CACNA2D1: variants seen among roughly 807,000 people sequenced by gnomAD.
CACNA2D1 encodes calcium voltage-gated channel auxiliary subunit alpha2delta 1.
A neutral mutation model predicts 171.5 loss-of-function variants in CACNA2D1; 53 were observed. That is an observed-to-expected ratio of 0.31 (90% CI 0.25 to 0.39). The LOEUF is 0.39. Ranked by LOEUF, CACNA2D1 falls within the 10% of genes least tolerant of loss-of-function variation. The pLI is 1.00. For missense variants in CACNA2D1, 903 were observed against 1,299.8 expected, an observed-to-expected ratio of 0.69 and a Z score of 4.69; for synonymous variants, 442 against 443.1, an observed-to-expected ratio of 1.00 and a Z score of 0.03.
At chr7:82,163,144 G>C (rs1048436832) in intron 4 of CACNA2D1, among the ~76,000 whole-genome samples, 7 of 151,950 alleles carry the variant, frequency 4.6e-5, no homozygotes, top group Non-Finnish European at 8.8e-5. Flanking sequence ...TGTTCTGAAG[G>C]ATTGACAATA....
At chr7:82,422,887 G>GAA (rs879581387) in intron 1 of CACNA2D1, among the ~76,000 whole-genome samples, 1 of 143,556 alleles carries the variant, frequency 7.0e-6, no homozygotes. Flanking sequence ...GCTTTGTCAA[G>GAA]AAAAAAAAAA....
At chr7:82,293,605 A>G (rs900320260) in intron 3 of CACNA2D1, among the ~76,000 whole-genome samples, 1 of 152,142 alleles carries the variant, frequency 6.6e-6, no homozygotes, top group African/African-American at 2.4e-5. Flanking sequence ...GGTATCTCAC[A>G]CCTCAAAGAA....
intron 1 of CACNA2D1, among the ~76,000 whole-genome samples, chr7:82,372,338 A>G (rs1441813081): frequency 2.0e-5 from 3 of 152,172 alleles, no homozygotes; most frequent in African/African-American, 4.8e-5. Context: ...GCAAACAAAA[A>G]TATTAGCTCA....
chr7:82,421,694 A>T (rs187352714), intron 1 of CACNA2D1, among the ~76,000 whole-genome samples: 7 of 152,326 alleles, frequency 4.6e-5, no homozygotes, highest in Admixed American at 2.6e-4. Context: ...GAATGCTTAT[A>T]TCCCTTTCAA....
chr7:82,257,413 T>G (rs1426751143), intron 3 of CACNA2D1, among the ~76,000 whole-genome samples: 1 of 152,206 alleles, frequency 6.6e-6, no homozygotes, highest in African/African-American at 2.4e-5. Flanking sequence ...CAGGGAAAAA[T>G]GCATACGCAT....
intron 3 of CACNA2D1, among the ~76,000 whole-genome samples, chr7:82,323,878 T>G (rs1343278454): frequency 6.6e-6 from 1 of 152,222 alleles, no homozygotes; most frequent in Non-Finnish European, 1.5e-5. Context: ...ACCCTTTCCT[T>G]GTCTGAACCT....
At chr7:82,141,499 G>C (rs1792380495) in intron 4 of CACNA2D1, among the ~76,000 whole-genome samples, 1 of 152,158 alleles carries the variant, frequency 6.6e-6, no homozygotes, top group South Asian at 2.1e-4. Flanking sequence ...ACTTTGTACA[G>C]GGAGATTTTG....
At chr7:82,386,467 C>A (rs1007343055) in intron 1 of CACNA2D1, among the ~76,000 whole-genome samples, 1 of 152,128 alleles carries the variant, frequency 6.6e-6, no homozygotes, top group Non-Finnish European at 1.5e-5. Flanking sequence ...CTAACACTGG[C>A]CAAGCACTGT....
At chr7:82,050,537 C>T (rs1384755186) in intron 10 of CACNA2D1, 2 of 701,658 alleles carry the variant, frequency 2.9e-6, no homozygotes, top group Non-Finnish European at 5.2e-6. Flanking sequence ...CTTCTGATGG[C>T]CCACACTCAT....
At chr7:82,311,733 A>G (rs181657101) in intron 3 of CACNA2D1, among the ~76,000 whole-genome samples, 1 of 152,310 alleles carries the variant, frequency 6.6e-6, no homozygotes, top group South Asian at 2.1e-4. Context: ...ACAGGACACA[A>G]TTGAAGACAC....
At chr7:82,324,710 AAGC>A (rs1816429907) in intron 3 of CACNA2D1, among the ~76,000 whole-genome samples, 1 of 152,144 alleles carries the variant, frequency 6.6e-6, no homozygotes, top group Non-Finnish European at 1.5e-5. Context: ...AAATGATATC[AAGC>A]AGGACAGGTA....
At chr7:82,215,310 C>T (rs1008532609) in intron 3 of CACNA2D1, among the ~76,000 whole-genome samples, 8 of 152,170 alleles carry the variant, frequency 5.3e-5, no homozygotes, top group Admixed American at 3.9e-4. Context: ...TGAAGCTGAA[C>T]TCCCATCCCC....
chr7:82,443,856 G>C (rs554635558), upstream of CACNA2D1: 6 of 451,164 alleles, frequency 1.3e-5, no homozygotes, highest in East Asian at 2.2e-4. Context: ...GCGGAGGAGG[G>C]GTGACGGCGC....
At chr7:81,959,138 CAAGT>C in intron 38 of CACNA2D1, 133 bp downstream of exon 38, 1 of 686,628 alleles carries the variant, frequency 1.5e-6, no homozygotes, top group South Asian at 1.6e-5. Context: ...AATCTACCAG[CAAGT>C]ATGTCATGTT....
At chr7:82,396,235 G>C (rs1048019809) in intron 1 of CACNA2D1, among the ~76,000 whole-genome samples, 4 of 152,050 alleles carry the variant, frequency 2.6e-5, no homozygotes, top group Non-Finnish European at 4.4e-5. Flanking sequence ...TGTAATCCCA[G>C]CACTTTGGGA....
rs147723840 is a variant in CACNA2D1 at position 82,247,895 on chromosome 7, T to C, written c.295-77286A>G. Among the ~76,000 whole-genome samples the C allele has an allele frequency of 7.4e-3, 1,126 of 152,284 alleles. 13 individuals carry two copies. The highest frequency in any genetic ancestry group is 0.026 in the African/African-American group (1,073 of 41,552). On this transcript the variant is annotated intron_variant, in intron 3 of 38. Coordinates refer to ENST00000356860, the MANE Select transcript of CACNA2D1 (RefSeq NM_000722.4). ...GACGGGCGAAGTCCCTTAGCCTTCC[T>C]AACAAAAACTTTAATATCTGATTAG...
chr7:82,200,014 G>A (rs541854781), intron 3 of CACNA2D1, among the ~76,000 whole-genome samples: 227 of 152,112 alleles, frequency 1.5e-3, no homozygotes, highest in Middle Eastern at 0.01. Flanking sequence ...TGAAGTACAA[G>A]AATAGGAAAA....
At chr7:82,197,451 A>C (rs922113023) in intron 3 of CACNA2D1, among the ~76,000 whole-genome samples, 1 of 152,098 alleles carries the variant, frequency 6.6e-6, no homozygotes, top group African/African-American at 2.4e-5. Flanking sequence ...TCATAACATA[A>C]ATGTAAGGCA....
At chr7:82,354,811 G>T (rs995859454) in intron 1 of CACNA2D1, among the ~76,000 whole-genome samples, 1 of 152,058 alleles carries the variant, frequency 6.6e-6, no homozygotes, top group African/African-American at 2.4e-5. Context: ...AGATGAATGT[G>T]GGGCAGATAC....
Sources: gnomAD v4.1 joint callset for allele counts (sites outside exome capture counted in the v4.1 genomes callset) on GRCh38, gnomAD v4.1.1 for gene constraint, MANE v1.5 for transcripts, NCBI Gene and HGNC (gene_info 2026-07-23, HGNC 2026-07-21) for gene names.